Variants in HADHB observed in about 807,000 individuals in gnomAD.
HADHB encodes hydroxyacyl-CoA dehydrogenase trifunctional multienzyme complex subunit beta.
A neutral mutation model predicts 61.9 loss-of-function variants in HADHB; 50 were observed. The observed-to-expected ratio is 0.81, with a 90% CI of 0.64 to 1.02. The LOEUF (loss-of-function observed/expected upper bound fraction) is 1.02. Among genes scored for constraint, HADHB ranks in the 50% least tolerant of loss-of-function variants. The pLI is 0.00. For missense variants in HADHB, 504 were observed against 586.5 expected, an observed-to-expected ratio of 0.86 and a Z score of 1.45; for synonymous variants, 191 against 201.6, an observed-to-expected ratio of 0.95 and a Z score of 0.45.
At chr2:26,273,626 C>G in intron 5 of HADHB, 25 bp from the exon 6 acceptor site, 1 of 1,319,352 alleles carries the variant, frequency 7.6e-7, no homozygotes, top group Non-Finnish European at 1.1e-6. Flanking sequence ...TGAAATGTTT[C>G]TTTGCTTTGG....
chr2:26,254,693 G>C (rs1197725493), intron 3 of HADHB: 2 of 510,070 alleles, frequency 3.9e-6, no homozygotes, highest in East Asian at 7.1e-5. Flanking sequence ...ATGGGAGGCT[G>C]TTTTCTGGGA....
intron 3 of HADHB, among the ~76,000 whole-genome samples, 155 bp from the exon 4 acceptor site, chr2:26,263,225 G>T (rs1347231044): frequency 1.3e-5 from 2 of 151,746 alleles, no homozygotes; most frequent in Admixed American, 6.6e-5. Context: ...CTTGAATCCG[G>T]GAGGCAGAGG....
rs540731648 is a variant in HADHB at position 26,257,001 on chromosome 2, C to T, written c.109+2527C>T. ...TCCTCTCGTAAATGTGCTAGTGGCT[C>T]TGTTTTCTCTAATGCTTTTTCTTAT... is the stretch of plus-strand genomic sequence containing the variant. On this transcript the variant is annotated intron_variant, in intron 3 of 15. Coordinates refer to ENST00000317799, the MANE Select transcript of HADHB (RefSeq NM_000183.3). 7.2e-5 allele frequency among the ~76,000 whole-genome samples: 11 copies of T among 152,030 alleles called. No individual in the cohort carries two copies. In the East Asian group the frequency reaches 2.1e-3, roughly 29 times the overall value.
At position 26,290,150 on chromosome 2, in the gene HADHB, G is replaced by A. The variant is rs1471331404; in HGVS notation, c.*197G>A. ...CAATAATCAGTTTACTGCTCTTTCAGGGATTTCTAAGCCACCAGAATCTCA... is the reference window on the plus strand; with the variant it reads ...CAATAATCAGTTTACTGCTCTTTCAAGGATTTCTAAGCCACCAGAATCTCA... On this transcript the variant is annotated 3_prime_UTR_variant, in exon 16 of 16. Transcript: ENST00000317799. 3.3e-6 allele frequency: 2 copies of A among 610,980 alleles called. No individual in the cohort carries two copies. Among genetic ancestry groups the A allele is most frequent in the Non-Finnish European group, 5.9e-6 (2 of 339,570 alleles). The allele number at this position is 610,980 out of a possible 1,614,324, so 37.8% of individuals were successfully genotyped here.
chr2:26,279,879 G>GA, intron 9 of HADHB, 115 bp from the exon 10 acceptor site: 1 of 760,176 alleles, frequency 1.3e-6, no homozygotes, highest in East Asian at 2.7e-5. Context: ...TCCTTCTAGT[G>GA]AATAGGTAAG....
Position 26,260,063 on chromosome 2 carries a change from T to TATTA in HADHB, c.110-3315_110-3314insTAAT, listed in dbSNP as rs543703440. Among the ~76,000 whole-genome samples, 41 of 151,594 alleles carry TATTA rather than the reference T, an allele frequency of 2.7e-4. No individual in the cohort carries two copies. In the South Asian group the frequency reaches 8.5e-3, roughly 32 times the overall value. On this transcript the variant is annotated intron_variant, in intron 3 of 15. Transcript: ENST00000317799. ...TATCTGAAAGTATATAAAAGGAATA[T>TATTA]ATGGTCAGTTTTTTCTGGTTTTTTT...
chr2:26,272,346 C>CTTTTTTTT (rs11340590), intron 5 of HADHB, among the ~76,000 whole-genome samples: 1 of 136,042 alleles, frequency 7.4e-6, no homozygotes. Flanking sequence ...TCCCATTTGT[C>CTTTTTTTT]TTTTTTTTTT....
Position 26,261,282 on chromosome 2 carries a change from TAAAAG to T in HADHB, c.110-2094_110-2090del, listed in dbSNP as rs1399810163. The T allele has an allele frequency of 1.9e-4, 86 of 463,424 alleles. 1 individual carries two copies. The highest frequency in any genetic ancestry group is 2.3e-5 in the Non-Finnish European group (6 of 260,644). 28.7% of individuals were successfully genotyped at this position (463,424 alleles called of 1,614,324 possible). On this transcript the variant is annotated intron_variant, in intron 3 of 15. Coordinates refer to ENST00000317799, the MANE Select transcript of HADHB (RefSeq NM_000183.3). The stretch of plus-strand genomic sequence containing the variant: ...AAAGAGGAAATAGGAAATTTAAAAA[TAAAAG>T]AAATAGAGGGGGCTGTGGGAGAACA...
At position 26,280,775 on chromosome 2, in the gene HADHB, C is replaced by T. The variant is rs114784034; in HGVS notation, c.933+660C>T. 9.7e-3 allele frequency among the ~76,000 whole-genome samples: 1,375 copies of T among 142,110 alleles called. 24 individuals carry two copies. Among genetic ancestry groups the T allele is most frequent in the African/African-American group, 0.035 (1,322 of 38,158 alleles). The allele number at this position is 142,110 out of a possible 152,430, so 93.2% of individuals were successfully genotyped here. ...GGCTGAGGCAAGAGAATTGCTTGAA[C>T]CCTGGAGGCGTGGAGGTTGCGGTGA... On this transcript the variant is annotated intron_variant, in intron 10 of 15. Coordinates refer to ENST00000317799, the MANE Select transcript of HADHB (RefSeq NM_000183.3).
intron 1 of HADHB, among the ~76,000 whole-genome samples, chr2:26,250,497 T>G (rs967073059): frequency 6.6e-6 from 1 of 152,172 alleles, no homozygotes; most frequent in African/African-American, 2.4e-5. Context: ...ACTTCTGGGT[T>G]TTGTGCCATA....
chr2:26,284,114 C>G lies in HADHB; in HGVS notation c.1062-3C>G. 6.5e-7 allele frequency: 1 copy of G among 1,534,180 alleles called. No homozygotes were observed. ...TAAGATATTACTTATTTTTTCTTTG[C>G]AGACCAACATATGCTACTCCAAAAG... On this transcript the variant is annotated splice_region_variant and splice_polypyrimidine_tract_variant and intron_variant, in intron 12 of 15. Transcript: ENST00000317799.
Position 26,284,179 on chromosome 2 carries a change from C to A in HADHB, c.1124C>A (p.Ala375Asp), listed in dbSNP as rs1260513145. 6.3e-7 allele frequency: 1 copy of A among 1,583,906 alleles called. No homozygotes were observed. The highest frequency in any genetic ancestry group is 8.7e-7 in the Non-Finnish European group (1 of 1,152,796). ...GGATTGACCATGAATGATATTGATG[C>A]TTTTGAATTTCATGAAGCTTTCTCG... ...KAGLTMNDID[A>D]FEFHEAFSGQ... The change falls in exon 13 of 16, where the codon GCT becomes GAT. Residue 375 changes from alanine (A) to aspartate (D), a missense_variant. Transcript: ENST00000317799.
chr2:26,253,862 AAAT>A (rs879881539), intron 1 of HADHB, among the ~76,000 whole-genome samples: 12,035 of 123,764 alleles, frequency 0.097, 686 homozygotes, highest in Middle Eastern at 0.16. Flanking sequence ...TCAAAAAAAT[AAAT>A]AAATAAATAA....
chr2:26,284,315 C>G, intron 13 of HADHB, 111 bp downstream of exon 13: 1 of 772,582 alleles, frequency 1.3e-6, no homozygotes, highest in South Asian at 1.4e-5. Context: ...CAGGAGTGGA[C>G]CTGCATATTT....
chr2:26,284,262 A>G (rs978359754), intron 13 of HADHB, 58 bp downstream of exon 13: 1 of 952,624 alleles, frequency 1.0e-6, no homozygotes, highest in Non-Finnish European at 1.7e-6. Context: ...TGTCATCCAT[A>G]TTTGTGGGAG....
At position 26,269,991 on chromosome 2, in the gene HADHB, C is replaced by A; in HGVS notation, c.248C>A (p.Ala83Glu). 2 of 1,598,404 alleles carry A rather than the reference C, an allele frequency of 1.3e-6. No homozygotes were observed. The highest frequency in any genetic ancestry group is 1.7e-6 in the Non-Finnish European group (2 of 1,165,704). Residue 83 changes from alanine to glutamate, a missense_variant, in exon 5 of 16, where the codon GCG (alanine) becomes GAG (glutamate). By Grantham distance (107) the Ala-to-Glu change is moderately radical (BLOSUM62 -1). Transcript: ENST00000317799. ...DLMPHDLARA[A>E]LTGLLHRTSV... ...ATGCCACATGATTTGGCTAGAGCAGCGCTTACGTAAGTAAATGCAGTTTCA... is the reference window on the plus strand; with the variant it reads ...ATGCCACATGATTTGGCTAGAGCAGAGCTTACGTAAGTAAATGCAGTTTCA...
chr2:26,251,192 G>T (rs1671385103), intron 1 of HADHB, among the ~76,000 whole-genome samples: 1 of 151,516 alleles, frequency 6.6e-6, no homozygotes, highest in Non-Finnish European at 1.5e-5. Context: ...AAAGTGTTTT[G>T]TTTGTTTTTT....
At position 26,255,804 on chromosome 2, in the gene HADHB, C is replaced by G. The variant is rs919948003; in HGVS notation, c.109+1330C>G. ...AGAGAAGTTTCATATTGTCATATAACAAATATATTTCCTGTGGCCTTTACA... is the reference window on the plus strand; with the variant it reads ...AGAGAAGTTTCATATTGTCATATAAGAAATATATTTCCTGTGGCCTTTACA... On this transcript the variant is annotated intron_variant, in intron 3 of 15. Transcript: ENST00000317799. 2.6e-5 allele frequency among the ~76,000 whole-genome samples: 4 copies of G among 152,282 alleles called. No homozygotes were observed. The South Asian group carries it at 8.3e-4, about 32-fold the overall frequency.
chr2:26,261,915 A>G (rs1488628907), intron 3 of HADHB, among the ~76,000 whole-genome samples: 2 of 152,006 alleles, frequency 1.3e-5, no homozygotes, highest in African/African-American at 4.8e-5. Flanking sequence ...TTGGTTGCCA[A>G]CATACCTTGT....
Sources: allele counts gnomAD v4.1 joint callset (sites outside exome capture counted in the v4.1 genomes callset), GRCh38; gene constraint gnomAD v4.1.1; transcripts MANE v1.5; gene names NCBI Gene and HGNC (gene_info 2026-07-23, HGNC 2026-07-21).